Variants in TRPM7 observed in about 807,000 individuals in gnomAD.
TRPM7 encodes transient receptor potential cation channel subfamily M member 7, also known as LTRPC ion channel family member 7.
Under a neutral mutation model 229.7 loss-of-function variants are expected in TRPM7, and 134 were observed. The observed-to-expected ratio is 0.58, with a 90% CI of 0.51 to 0.67. The LOEUF (loss-of-function observed/expected upper bound fraction) is 0.67. TRPM7 is among the 30% of genes least tolerant of loss of function. TRPM7 has a pLI of 0.00. For synonymous variants in TRPM7, 699 were observed against 715.2 expected (o/e 0.98, Z 0.36); for missense variants, 1,901 against 2,210.0 (o/e 0.86, Z 2.80).
chr15:50,682,173 C>CAAAAAAAAAAAAAAAAAAAAAAAAAAA (rs34590459), intron 1 of TRPM7, among the ~76,000 whole-genome samples: 2 of 63,684 alleles, frequency 3.1e-5, no homozygotes, highest in African/African-American at 6.7e-5. Flanking sequence ...AACTCAGTCT[C>CAAAAAAAAAAAAAAAAAAAAAAAAAAA]AAAAAAAAAA....
chr15:50,587,280 T>G (rs2059368205), intron 27 of TRPM7, among the ~76,000 whole-genome samples: 1 of 152,098 alleles, frequency 6.6e-6, no homozygotes, highest in African/African-American at 2.4e-5. Context: ...AGATTTCAAT[T>G]TGTATTTCAA....
At chr15:50,682,133 G>A (rs139834041) in intron 1 of TRPM7, among the ~76,000 whole-genome samples, 5 of 129,876 alleles carry the variant, frequency 3.8e-5, no homozygotes, top group East Asian at 5.0e-4. Context: ...AGCCGACATC[G>A]CGCCACCGCA....
chr15:50,681,443 A>G (rs2062238310), intron 1 of TRPM7, among the ~76,000 whole-genome samples: 1 of 152,172 alleles, frequency 6.6e-6, no homozygotes, highest in Admixed American at 6.6e-5. Flanking sequence ...CATTTCATAT[A>G]GTAAAGGCTA....
At chr15:50,652,955 A>G (rs2061466094) in intron 3 of TRPM7, among the ~76,000 whole-genome samples, 1 of 152,164 alleles carries the variant, frequency 6.6e-6, no homozygotes, top group Non-Finnish European at 1.5e-5. Flanking sequence ...TGAGCTCAGG[A>G]GTCAAGACCA....
chr15:50,640,470 T>A (rs2061068065), intron 5 of TRPM7, among the ~76,000 whole-genome samples: 2 of 148,944 alleles, frequency 1.3e-5, no homozygotes, highest in East Asian at 2.0e-4. Context: ...TTTTTTTTTT[T>A]AGAAAGTGTC....
Position 50,686,582 on chromosome 15 carries a change from C to T in TRPM7, c.-49G>A. 1 of 1,606,448 alleles carries T rather than the reference C, an allele frequency of 6.2e-7. No individual in the cohort carries two copies. The highest frequency in any genetic ancestry group is 8.5e-7 in the Non-Finnish European group (1 of 1,175,952). ...AAGGGCAGCAACTCCACCTCCTCCT[C>T]CTCCGCGGCCTGTAGCCATCTATCG... is the stretch of plus-strand genomic sequence containing the variant. On this transcript the variant is annotated 5_prime_UTR_variant, in exon 1 of 39. Transcript: ENST00000646667.
chr15:50,574,209 A>G (rs2054029837), intron 36 of TRPM7, 65 bp downstream of exon 36: 1 of 1,265,386 alleles, frequency 7.9e-7, no homozygotes, highest in Non-Finnish European at 1.1e-6. Flanking sequence ...CAGATTCTGT[A>G]TAACATATGA....
chr15:50,632,731 A>C, intron 9 of TRPM7, 138 bp downstream of exon 9: 1 of 809,082 alleles, frequency 1.2e-6, no homozygotes, highest in Non-Finnish European at 1.8e-6. Flanking sequence ...CCAATAAATG[A>C]CATATTTTTA....
intron 11 of TRPM7, among the ~76,000 whole-genome samples, chr15:50,627,397 CA>C (rs1465912942): frequency 6.6e-6 from 1 of 151,898 alleles, no homozygotes; most frequent in Non-Finnish European, 1.5e-5. Flanking sequence ...GAATTAAGCC[CA>C]CGTGGGTATG....
rs1197334239 is a variant in TRPM7 at position 50,629,592 on chromosome 15, TCTA to T, written c.1205-1346_1205-1344del. Among the ~76,000 whole-genome samples, 3 of 152,118 alleles carry T rather than the reference TCTA, an allele frequency of 2.0e-5. 1 individual carries two copies. Among genetic ancestry groups the T allele is most frequent in the East Asian group, 1.9e-4 (1 of 5,182 alleles). On this transcript the variant is annotated intron_variant, in intron 10 of 38. Coordinates refer to ENST00000646667, the MANE Select transcript of TRPM7 (RefSeq NM_017672.6). ...TATTTTCTCTAAGCATTTGGATTCC[TCTA>T]CTAATTATCTATTACATAAGTTCTG...
chr15:50,570,024 CA>C (rs752307362), intron 37 of TRPM7, 31 bp from the exon 38 acceptor site: 125 of 1,575,386 alleles, frequency 7.9e-5, no homozygotes, highest in Middle Eastern at 1.7e-4. Flanking sequence ...AAAAAAACAA[CA>C]AAAAAAAGGG....
chr15:50,672,351 C>T (rs769873376), intron 1 of TRPM7, among the ~76,000 whole-genome samples: 30 of 151,700 alleles, frequency 2.0e-4, no homozygotes, highest in Admixed American at 4.6e-4. Context: ...CCACCTCGCC[C>T]GGCCACTCCT....
intron 7 of TRPM7, among the ~76,000 whole-genome samples, chr15:50,635,797 T>C (rs113189250): frequency 0.059 from 8,801 of 149,280 alleles, 327 homozygotes; most frequent in African/African-American, 0.11. Context: ...GCCAACATAG[T>C]GAAACCTCCT....
intron 12 of TRPM7, among the ~76,000 whole-genome samples, chr15:50,621,428 A>G (rs180768986): frequency 1.3e-5 from 2 of 152,170 alleles, no homozygotes; most frequent in Non-Finnish European, 2.9e-5. Flanking sequence ...TAAATTGTTA[A>G]TAAATAATAA....
chr15:50,597,599 T>C (rs2059666564), intron 22 of TRPM7, among the ~76,000 whole-genome samples: 1 of 152,206 alleles, frequency 6.6e-6, no homozygotes, highest in East Asian at 1.9e-4. Context: ...ACTACACAAT[T>C]AGAGTCATAT....
intron 3 of TRPM7, among the ~76,000 whole-genome samples, chr15:50,652,610 A>G (rs1161571124): frequency 6.6e-6 from 1 of 151,104 alleles, no homozygotes; most frequent in Non-Finnish European, 1.5e-5. Flanking sequence ...TTCATCAAAC[A>G]TTTAGGAGGA....
intron 7 of TRPM7, among the ~76,000 whole-genome samples, chr15:50,636,595 G>C (rs907979229): frequency 6.6e-6 from 1 of 151,896 alleles, no homozygotes; most frequent in Admixed American, 6.6e-5. Flanking sequence ...CAACTTCCTG[G>C]GGTCCTTAGG....
chr15:50,609,918 T>C lies in TRPM7; in HGVS notation c.2324A>G (p.Glu775Gly), dbSNP rs1206528274. 6.2e-7 allele frequency: 1 copy of C among 1,610,886 alleles called. No individual in the cohort carries two copies. The change falls in exon 18 of 39, where the codon GAG becomes GGG. Residue 775 changes from glutamate (E) to glycine (G), a missense_variant. Transcript: ENST00000646667. ...ILVPPAILLL[E>G]YKTKAEMSHI... ...GGACATTTCAGCCTTAGTTTTATAC[T>C]CTAACAGCAATATGGCAGGTGGAAC...
At chr15:50,581,041 C>G in intron 29 of TRPM7, 133 bp from the exon 30 acceptor site, 1 of 690,500 alleles carries the variant, frequency 1.4e-6, no homozygotes, top group Non-Finnish European at 2.3e-6. Flanking sequence ...GTTCTTGTTT[C>G]ATAAAACAAT....
Sources: allele counts gnomAD v4.1 joint callset (sites outside exome capture counted in the v4.1 genomes callset), GRCh38; gene constraint gnomAD v4.1.1; transcripts MANE v1.5; gene names NCBI Gene and HGNC (gene_info 2026-07-23, HGNC 2026-07-21).